Variants in SORCS1 observed in about 807,000 individuals in gnomAD.
SORCS1 encodes sortilin related VPS10 domain containing receptor 1, also known as VPS10 domain-containing receptor SorCS1.
A neutral mutation model predicts 146.1 loss-of-function variants in SORCS1; 60 were observed. The observed-to-expected ratio is 0.41, with a 90% confidence interval of 0.33 to 0.51. The LOEUF (loss-of-function observed/expected upper bound fraction) is 0.51, where lower values mean the gene tolerates loss of function less well. Ranked by LOEUF, SORCS1 falls within the 20% of genes least tolerant of loss-of-function variation. The pLI is 0.21. For synonymous variants in SORCS1, 637 were observed against 584.0 expected (o/e 1.09, Z -1.31); for missense variants, 1,352 against 1,487.6 (o/e 0.91, Z 1.50).
chr10:107,152,066 C>G (rs1353041612), intron 1 of SORCS1, among the ~76,000 whole-genome samples: 1 of 152,152 alleles, frequency 6.6e-6, no homozygotes, highest in Non-Finnish European at 1.5e-5. Flanking sequence ...TGCCCTGCAT[C>G]CCAGCTGCTT....
intron 1 of SORCS1, among the ~76,000 whole-genome samples, chr10:106,989,308 A>G (rs200568167): frequency 2.1e-5 from 3 of 142,100 alleles, no homozygotes; most frequent in Non-Finnish European, 4.6e-5. Context: ...GAATACTCCA[A>G]TGCCTTTCCT....
chr10:106,850,552 T>C (rs915013661), intron 2 of SORCS1, among the ~76,000 whole-genome samples: 2 of 152,146 alleles, frequency 1.3e-5, no homozygotes, highest in Non-Finnish European at 2.9e-5. Flanking sequence ...TCTTCTGCGT[T>C]GCTCACGCTG....
At chr10:106,830,839 T>TGAGCC (rs1948512002) in intron 2 of SORCS1, among the ~76,000 whole-genome samples, 1 of 150,820 alleles carries the variant, frequency 6.6e-6, no homozygotes, top group Non-Finnish European at 1.5e-5. Context: ...GAGACTGTAG[T>TGAGCC]GAGCCGAGAT....
chr10:106,829,830 A>G (rs1948463111), intron 2 of SORCS1, among the ~76,000 whole-genome samples, 157 bp from the exon 3 acceptor site: 1 of 152,218 alleles, frequency 6.6e-6, no homozygotes, highest in Admixed American at 6.5e-5. Flanking sequence ...CAGTAGCATC[A>G]TGTGAGTGGT....
chr10:106,725,968 G>A (rs1222808279), intron 6 of SORCS1, among the ~76,000 whole-genome samples: 11 of 150,570 alleles, frequency 7.3e-5, no homozygotes, highest in African/African-American at 2.7e-4. Context: ...ATGAGAAAGA[G>A]ATAACACAGA....
chr10:106,697,852 CTAAAT>C (rs933975646), intron 9 of SORCS1, among the ~76,000 whole-genome samples: 2 of 152,078 alleles, frequency 1.3e-5, no homozygotes, highest in African/African-American at 4.8e-5. Context: ...AATCTGTACT[CTAAAT>C]TAAATTTTAT....
chr10:106,819,959 A>G (rs1393417388), intron 3 of SORCS1, among the ~76,000 whole-genome samples: 2 of 151,916 alleles, frequency 1.3e-5, no homozygotes, highest in African/African-American at 2.4e-5. Flanking sequence ...GCATTCTCCC[A>G]TTACTCTGGT....
intron 1 of SORCS1, among the ~76,000 whole-genome samples, chr10:107,141,240 C>T (rs7092479): frequency 1.3e-5 from 2 of 152,152 alleles, no homozygotes; most frequent in African/African-American, 2.4e-5. Context: ...GACTAAGCAA[C>T]CCCCTGGGCT....
chr10:106,728,822 G>T (rs1319845517), intron 6 of SORCS1, among the ~76,000 whole-genome samples: 1 of 152,146 alleles, frequency 6.6e-6, no homozygotes, highest in Non-Finnish European at 1.5e-5. Context: ...AAATGAGATG[G>T]TCACTCTCTG....
At chr10:106,768,684 T>C (rs1859760544) in intron 4 of SORCS1, among the ~76,000 whole-genome samples, 1 of 152,206 alleles carries the variant, frequency 6.6e-6, no homozygotes, top group Non-Finnish European at 1.5e-5. Context: ...TTAAATTAAA[T>C]TGATTAAAGT....
chr10:106,882,794 C>G (rs1950854376), intron 2 of SORCS1, among the ~76,000 whole-genome samples: 1 of 152,148 alleles, frequency 6.6e-6, no homozygotes. Flanking sequence ...ATGAGATTAA[C>G]CATGAATTAC....
chr10:106,725,456 C>T (rs1856081751), intron 6 of SORCS1, among the ~76,000 whole-genome samples: 1 of 151,760 alleles, frequency 6.6e-6, no homozygotes. Flanking sequence ...GAGGCTGAGG[C>T]AGGAGAATCA....
At chr10:107,074,314 GC>G (rs1962699357) in intron 1 of SORCS1, among the ~76,000 whole-genome samples, 1 of 152,020 alleles carries the variant, frequency 6.6e-6, no homozygotes, top group South Asian at 2.1e-4. Flanking sequence ...TTTCAGATTG[GC>G]TTTTTTCATT....
At chr10:106,739,613 C>T (rs998132610) in intron 5 of SORCS1, among the ~76,000 whole-genome samples, 2 of 151,926 alleles carry the variant, frequency 1.3e-5, no homozygotes, top group African/African-American at 4.8e-5. Flanking sequence ...TCGAGACCAT[C>T]TGGCTAACAC....
chr10:106,934,121 AAG>A (rs1490695290), intron 2 of SORCS1, among the ~76,000 whole-genome samples: 4 of 151,736 alleles, frequency 2.6e-5, no homozygotes, highest in Non-Finnish European at 5.9e-5. Flanking sequence ...AAAAAAAAGA[AAG>A]AAAATTTCAA....
At chr10:106,918,563 G>GGGGAGACA (rs1174405432) in intron 2 of SORCS1, among the ~76,000 whole-genome samples, 30 of 152,190 alleles carry the variant, frequency 2.0e-4, no homozygotes, top group African/African-American at 6.7e-4. Flanking sequence ...ACTGAAGAGA[G>GGGGAGACA]GGGAGACAGG....
chr10:106,893,400 CT>C (rs1258741601), intron 2 of SORCS1, among the ~76,000 whole-genome samples: 1 of 152,030 alleles, frequency 6.6e-6, no homozygotes, highest in Non-Finnish European at 1.5e-5. Flanking sequence ...ATTTTTTATT[CT>C]TTTTTCCTTA....
intron 1 of SORCS1, among the ~76,000 whole-genome samples, chr10:107,100,043 G>A (rs1590134798): frequency 6.6e-6 from 1 of 152,192 alleles, no homozygotes; most frequent in African/African-American, 2.4e-5. Flanking sequence ...CTGAGAAGCT[G>A]CAATCTTTCT....
chr10:106,657,823 C>T (rs1390195954), intron 17 of SORCS1, among the ~76,000 whole-genome samples: 1 of 151,700 alleles, frequency 6.6e-6, no homozygotes, highest in African/African-American at 2.4e-5. Context: ...TCTCTCAAAT[C>T]TTTGATTCTT....
Sources: gnomAD v4.1 joint callset for allele counts (sites outside exome capture counted in the v4.1 genomes callset) on GRCh38, gnomAD v4.1.1 for gene constraint, MANE v1.5 for transcripts, NCBI Gene and HGNC (gene_info 2026-07-23, HGNC 2026-07-21) for gene names.